The following TSPAN8 variants were observed in gnomAD, a reference collection of about 807,000 sequenced individuals.
The protein encoded by TSPAN8 is tetraspanin 8, also known as tetraspanin-8.
Under a neutral mutation model 32.8 loss-of-function variants are expected in TSPAN8, and 21 were observed. The ratio of observed to expected loss-of-function variants is 0.64; its 90% CI spans 0.45 to 0.92. The LOEUF is 0.92. Ranked by LOEUF, TSPAN8 falls within the 40% of genes least tolerant of loss-of-function variation. The pLI is 0.00. For synonymous variants in TSPAN8, 95 were observed against 94.6 expected (o/e 1.00, Z -0.03); for missense variants, 269 against 281.9 (o/e 0.95, Z 0.33).
chr12:71,130,014 G>A (rs1271855372), intron 7 of TSPAN8, among the ~76,000 whole-genome samples: 5 of 149,006 alleles, frequency 3.4e-5, no homozygotes, highest in South Asian at 2.1e-4. Flanking sequence ...GTGCAGAGGC[G>A]CAATCTTGGC....
At chr12:71,150,761 G>A (rs868248155) in intron 2 of TSPAN8, among the ~76,000 whole-genome samples, 2 of 152,090 alleles carry the variant, frequency 1.3e-5, no homozygotes, top group Non-Finnish European at 2.9e-5. Context: ...AATCATGCGG[G>A]TGGTTCCCCC....
At chr12:71,136,932 G>A (rs1164719306) in intron 6 of TSPAN8, among the ~76,000 whole-genome samples, 1 of 152,128 alleles carries the variant, frequency 6.6e-6, no homozygotes, top group African/African-American at 2.4e-5. Context: ...ATTAATGTTA[G>A]CTATTACCAT....
intron 8 of TSPAN8, among the ~76,000 whole-genome samples, chr12:71,128,168 G>A (rs1871401455): frequency 1.3e-5 from 2 of 152,114 alleles, no homozygotes; most frequent in Admixed American, 1.3e-4. Flanking sequence ...AACAAAGAAT[G>A]CTTCATATTT....
At chr12:71,128,790 T>C (rs946192583) in intron 8 of TSPAN8, among the ~76,000 whole-genome samples, 2 of 152,104 alleles carry the variant, frequency 1.3e-5, no homozygotes, top group Admixed American at 6.6e-5. Flanking sequence ...AGTGAGTCAA[T>C]AGTACTTAAG....
chr12:71,151,619 G>A (rs1454806612), intron 2 of TSPAN8, among the ~76,000 whole-genome samples: 2 of 152,138 alleles, frequency 1.3e-5, no homozygotes, highest in East Asian at 1.9e-4. Context: ...AAAGTATAAC[G>A]TTCATATAAG....
At chr12:71,156,109 A>C (rs1007750696) in intron 2 of TSPAN8, among the ~76,000 whole-genome samples, 3 of 152,062 alleles carry the variant, frequency 2.0e-5, no homozygotes, top group Admixed American at 1.3e-4. Context: ...TATATCTGAG[A>C]TGTGCTTCAA....
At chr12:71,138,574 C>A (rs1051414644) in intron 4 of TSPAN8, among the ~76,000 whole-genome samples, 2 of 152,210 alleles carry the variant, frequency 1.3e-5, no homozygotes, top group African/African-American at 2.4e-5. Flanking sequence ...CACAACCTCA[C>A]ACAAACTCAG....
chr12:71,130,250 C>T (rs529270575), intron 7 of TSPAN8, among the ~76,000 whole-genome samples: 29 of 151,798 alleles, frequency 1.9e-4, no homozygotes, highest in Non-Finnish European at 3.2e-4. Context: ...TCACTGCTGC[C>T]GGAAAAAACA....
rs563166885 is a variant in TSPAN8, at chr12:71,157,724, G to A, written c.-46C>T. 47 of 1,484,064 alleles carry A rather than the reference G, an allele frequency of 3.2e-5. No individual in the cohort carries two copies. The Middle Eastern group carries it at 1.2e-3, about 38-fold the overall frequency. The allele number at this position is 1,484,064 out of a possible 1,614,324, so 91.9% of individuals were successfully genotyped here. A position where few individuals can be genotyped will look rare whatever the true frequency, so the allele number is the denominator to read the frequency against. On this transcript the variant is annotated 5_prime_UTR_variant, in exon 2 of 9. In the 5' UTR this introduces an upstream ATG that the reference lacks. Coordinates refer to ENST00000247829, the MANE Select transcript of TSPAN8 (RefSeq NM_004616.3). ...CCAGATGCCGTGAATTTAACTATTC[G>A]TTACAGGCTTGTCCTGCAATATGCT...
intron 8 of TSPAN8, among the ~76,000 whole-genome samples, chr12:71,126,026 G>T (rs919372452): frequency 2.0e-5 from 3 of 152,108 alleles, no homozygotes; most frequent in Admixed American, 2.0e-4. Flanking sequence ...CCCAAAATTT[G>T]CTCTAATTGG....
chr12:71,145,667 T>C (rs1872052517), intron 2 of TSPAN8, among the ~76,000 whole-genome samples: 1 of 152,214 alleles, frequency 6.6e-6, no homozygotes, highest in African/African-American at 2.4e-5. Flanking sequence ...GTTAAACAGT[T>C]TGTGAGTGAT....
intron 4 of TSPAN8, 47 bp downstream of exon 4, chr12:71,139,664 C>T (rs771994019): frequency 1.2e-6 from 2 of 1,600,938 alleles, no homozygotes; most frequent in Non-Finnish European, 1.7e-6. Flanking sequence ...GGAGAGAATC[C>T]TCTGGAGTCT....
intron 3 of TSPAN8, among the ~76,000 whole-genome samples, chr12:71,140,502 G>A (rs1321097587): frequency 6.6e-6 from 1 of 152,090 alleles, no homozygotes; most frequent in Non-Finnish European, 1.5e-5. Context: ...TCCAGTTCCT[G>A]ATATTTCATA....
intron 2 of TSPAN8, 123 bp downstream of exon 2, chr12:71,157,495 TA>T (rs1872482242): frequency 6.0e-6 from 4 of 669,784 alleles, no homozygotes; most frequent in Non-Finnish European, 1.0e-5. Context: ...TCCAAACAAG[TA>T]CATGGAAAAT....
intron 2 of TSPAN8, among the ~76,000 whole-genome samples, chr12:71,155,976 C>T (rs932173951): frequency 3.9e-5 from 6 of 152,008 alleles, no homozygotes; most frequent in African/African-American, 1.4e-4. Flanking sequence ...TGTGATCCAC[C>T]CATCTCGGTC....
intron 2 of TSPAN8, among the ~76,000 whole-genome samples, chr12:71,146,469 C>A (rs184674995): frequency 2.0e-5 from 3 of 152,290 alleles, no homozygotes; most frequent in Non-Finnish European, 4.4e-5. Context: ...GATTGACCAT[C>A]ATAATGGTAC....
intron 2 of TSPAN8, among the ~76,000 whole-genome samples, chr12:71,147,625 T>C (rs1228842240): frequency 6.6e-6 from 1 of 152,178 alleles, no homozygotes; most frequent in Non-Finnish European, 1.5e-5. Context: ...GCTGCTACTG[T>C]TATTGTTCAT....
intron 7 of TSPAN8, among the ~76,000 whole-genome samples, chr12:71,129,722 T>G (rs1871459323): frequency 1.3e-5 from 2 of 152,080 alleles, no homozygotes; most frequent in Admixed American, 1.3e-4. Flanking sequence ...ATGACAGATT[T>G]TATAATTTAT....
chr12:71,126,673 TATC>T (rs1472121593), intron 8 of TSPAN8, among the ~76,000 whole-genome samples: 1 of 152,136 alleles, frequency 6.6e-6, no homozygotes, highest in African/African-American at 2.4e-5. Context: ...AATGTAAAAT[TATC>T]ATTTTTCTTT....
Sources: allele counts gnomAD v4.1 joint callset (sites outside exome capture counted in the v4.1 genomes callset), GRCh38; gene constraint gnomAD v4.1.1; transcripts MANE v1.5; gene names NCBI Gene and HGNC (gene_info 2026-07-23, HGNC 2026-07-21).